GLUD1: variants seen among roughly 807,000 people sequenced by gnomAD.
GLUD1 encodes glutamate dehydrogenase 1, mitochondrial.
Under a neutral mutation model 56.0 loss-of-function variants are expected in GLUD1, and 22 were observed. The observed-to-expected ratio is 0.39, with a 90% CI of 0.28 to 0.56. GLUD1 has a LOEUF of 0.56. Among genes scored for constraint, GLUD1 ranks in the 20% least tolerant of loss-of-function variants. The probability of loss-of-function intolerance (pLI) is 0.58; values close to 1 mark genes in which losing one functional copy is unlikely to be tolerated. For synonymous variants in GLUD1, 223 were observed against 269.9 expected, an observed-to-expected ratio of 0.83 and a Z score of 1.70; for missense variants, 451 against 732.0, an observed-to-expected ratio of 0.62 and a Z score of 4.43.
At chr10:87,063,809 G>A (rs1415212036) in intron 5 of GLUD1, among the ~76,000 whole-genome samples, 1 of 152,160 alleles carries the variant, frequency 6.6e-6, no homozygotes, top group East Asian at 1.9e-4. Context: ...ATCTTTGGTA[G>A]CAGTGGTTAG....
intron 1 of GLUD1, among the ~76,000 whole-genome samples, chr10:87,085,386 T>C (rs1841358867): frequency 6.6e-6 from 1 of 151,470 alleles, no homozygotes; most frequent in African/African-American, 2.4e-5. Flanking sequence ...TATACTTTAA[T>C]TGCTTTAGCA....
Position 87,061,062 on chromosome 10 carries a change from A to G in GLUD1, c.922-10T>C, listed in dbSNP as rs752776807. 1 of 1,612,580 alleles carries G rather than the reference A, an allele frequency of 6.2e-7. No homozygotes were observed. Among genetic ancestry groups the G allele is most frequent in the Non-Finnish European group, 8.5e-7 (1 of 1,178,570 alleles). On this transcript the variant is annotated splice_polypyrimidine_tract_variant and intron_variant, in intron 6 of 12. Coordinates refer to ENST00000277865, the MANE Select transcript of GLUD1 (RefSeq NM_005271.5). ...CCACATTACCAAATCCCTGTGAAGA[A>G]CAATTACCCATAACACAAAAATTAA... is the stretch of plus-strand genomic sequence containing the variant.
chr10:87,067,653 C>G (rs1163080601), intron 5 of GLUD1: 1 of 205,392 alleles, frequency 4.9e-6, no homozygotes, highest in Non-Finnish European at 1.0e-5. Flanking sequence ...CAAGGTCTAG[C>G]CCAAATATCT....
intron 9 of GLUD1, 111 bp downstream of exon 9, chr10:87,060,050 T>C: frequency 2.6e-6 from 2 of 764,088 alleles, no homozygotes; most frequent in Non-Finnish European, 4.7e-6. Flanking sequence ...GTGAAAAAGA[T>C]GAATTCACTA....
chr10:87,052,727 G>A (rs1157144193), intron 12 of GLUD1, among the ~76,000 whole-genome samples: 5 of 131,988 alleles, frequency 3.8e-5, no homozygotes, highest in African/African-American at 1.4e-4. Context: ...GAATTATAAA[G>A]TGGTGATGGC....
intron 5 of GLUD1, among the ~76,000 whole-genome samples, chr10:87,066,634 T>A (rs1039220446): frequency 2.6e-5 from 4 of 152,182 alleles, no homozygotes; most frequent in Non-Finnish European, 5.9e-5. Flanking sequence ...GAAGGTTTTA[T>A]CTCCTAGGAG....
At chr10:87,086,247 T>A (rs1439746278) in intron 1 of GLUD1, among the ~76,000 whole-genome samples, 2 of 152,146 alleles carry the variant, frequency 1.3e-5, no homozygotes, top group Non-Finnish European at 2.9e-5. Flanking sequence ...TTCTTTATTT[T>A]AAAAATCCAA....
chr10:87,077,730 A>G (rs970448907), intron 1 of GLUD1, among the ~76,000 whole-genome samples: 2 of 151,912 alleles, frequency 1.3e-5, no homozygotes, highest in African/African-American at 4.8e-5. Context: ...CCAAGGAGGA[A>G]AGTCTGAGTG....
rs201141455 is a variant in GLUD1 at position 87,074,533 on chromosome 10, CTA to C, written c.646+16_646+17del. On this transcript the variant is annotated intron_variant, in intron 4 of 12. Coordinates refer to ENST00000277865, the MANE Select transcript of GLUD1 (RefSeq NM_005271.5). ...AGATGTTCCCACTTTATACCAAAAA[CTA>C]TGTGGCTACACATACCAATAAAGCC... The C allele has an allele frequency of 1.1e-3, 1,594 of 1,451,450 alleles. 18 individuals carry two copies. The African/African-American group carries it at 0.018, about 16-fold the overall frequency. 89.9% of individuals were successfully genotyped at this position (1,451,450 alleles called of 1,614,324 possible). A position where few individuals can be genotyped will look rare whatever the true frequency, so the allele number is the denominator to read the frequency against.
chr10:87,073,828 G>A (rs1218671530), intron 4 of GLUD1, among the ~76,000 whole-genome samples: 16 of 151,812 alleles, frequency 1.1e-4, no homozygotes, highest in South Asian at 4.2e-4. Flanking sequence ...ACTAAACCCC[G>A]TTAGCCAGAA....
Position 87,094,270 on chromosome 10 carries a change from G to T in GLUD1, c.445+55C>A, listed in dbSNP as rs1443253437. The T allele has an allele frequency of 6.5e-7, 1 of 1,545,618 alleles. No homozygotes were observed. Among genetic ancestry groups the T allele is most frequent in the Non-Finnish European group, 8.7e-7 (1 of 1,143,100 alleles). ...GGCCCCGCACCGGCAGGAGGCCGGA[G>T]GGGAGGGCCGCAGGGGAGGCAGGGA... On this transcript the variant is annotated intron_variant, in intron 1 of 12. Transcript: ENST00000277865. The surrounding 1 kb of genome is among the most constrained non-coding windows in gnomAD (Gnocchi z 6.6).
chr10:87,072,108 A>G (rs2133819723), intron 4 of GLUD1, among the ~76,000 whole-genome samples: 1 of 152,284 alleles, frequency 6.6e-6, no homozygotes, highest in Non-Finnish European at 1.5e-5. Context: ...CCGTGTCTCC[A>G]CAAAAAATTA....
chr10:87,056,892 G>A (rs897009631), intron 11 of GLUD1, among the ~76,000 whole-genome samples: 1 of 151,194 alleles, frequency 6.6e-6, no homozygotes. Flanking sequence ...TTTCCCCCAG[G>A]CTTATGTGTT....
chr10:87,076,750 C>T, intron 1 of GLUD1, 94 bp from the exon 2 acceptor site: 1 of 810,020 alleles, frequency 1.2e-6, no homozygotes, highest in South Asian at 1.4e-5. Flanking sequence ...AAGAAAGCTA[C>T]AAATTGAAAA....
intron 1 of GLUD1, chr10:87,092,507 G>A: frequency 4.2e-6 from 1 of 238,762 alleles, no homozygotes; most frequent in Non-Finnish European, 6.8e-6. Context: ...GCTTTGGTAT[G>A]GCTGACCCAA....
chr10:87,060,313 G>T, intron 8 of GLUD1, 72 bp from the exon 9 acceptor site: 7 of 965,896 alleles, frequency 7.2e-6, no homozygotes, highest in Non-Finnish European at 1.2e-5. Flanking sequence ...GGCAAGAGAT[G>T]TGCATATATG....
At chr10:87,082,313 C>T (rs1841281060) in intron 1 of GLUD1, among the ~76,000 whole-genome samples, 1 of 152,204 alleles carries the variant, frequency 6.6e-6, no homozygotes, top group African/African-American at 2.4e-5. Context: ...TGACATGAGT[C>T]AGAAACTGTG....
At chr10:87,080,625 C>A (rs554242511) in intron 1 of GLUD1, among the ~76,000 whole-genome samples, 1 of 151,816 alleles carries the variant, frequency 6.6e-6, no homozygotes, top group East Asian at 2.0e-4. Flanking sequence ...CTCTGCCCGG[C>A]CGCGACCCCG....
intron 1 of GLUD1, among the ~76,000 whole-genome samples, chr10:87,090,397 G>A (rs1923934): frequency 0.28 from 42,978 of 152,000 alleles, 6,631 homozygotes; most frequent in East Asian, 0.71. Flanking sequence ...TTTGGATAAT[G>A]AGTGAGCAGC....
Sources: gnomAD v4.1 joint callset for allele counts (sites outside exome capture counted in the v4.1 genomes callset) on GRCh38, gnomAD v4.1.1 for gene constraint, Gnocchi (gnomAD v3.1) non-coding constraint, MANE v1.5 for transcripts, NCBI Gene and HGNC (gene_info 2026-07-23, HGNC 2026-07-21) for gene names.